PPIL6: variants seen among roughly 807,000 people sequenced by gnomAD.
The protein encoded by PPIL6 is peptidylprolyl isomerase like 6.
A neutral mutation model predicts 36.8 loss-of-function variants in PPIL6; 39 were observed. The observed-to-expected ratio is 1.06, with a 90% CI of 0.82 to 1.38. The LOEUF (loss-of-function observed/expected upper bound fraction) is 1.38, where lower values mean the gene tolerates loss of function less well. Ranked by LOEUF, PPIL6 falls within the 40% of genes most tolerant of loss-of-function variation. PPIL6 has a pLI of 0.00. For synonymous variants in PPIL6, 123 were observed against 134.1 expected (o/e 0.92, Z 0.57); for missense variants, 368 against 379.1 (o/e 0.97, Z 0.24).
At chr6:109,405,082 A>G (rs1323637713) in intron 6 of PPIL6, 2 of 392,730 alleles carry the variant, frequency 5.1e-6, no homozygotes, top group Admixed American at 3.5e-5. Context: ...ATATCTTTTC[A>G]TAACCTTTTC....
intron 1 of PPIL6, 73 bp downstream of exon 1, chr6:109,440,383 G>A (rs1774767227): frequency 6.7e-7 from 1 of 1,499,990 alleles, no homozygotes; most frequent in Non-Finnish European, 9.0e-7. Flanking sequence ...AGGAGGCGCG[G>A]CGCCTGCAGT....
intron 6 of PPIL6, 62 bp downstream of exon 6, chr6:109,419,125 C>T: frequency 1.0e-6 from 1 of 967,874 alleles, no homozygotes; most frequent in Non-Finnish European, 1.7e-6. Flanking sequence ...GTGAAACTGT[C>T]CAGTCCTGTT....
At chr6:109,395,426 T>G (rs1393322283) in intron 7 of PPIL6, among the ~76,000 whole-genome samples, 2 of 151,146 alleles carry the variant, frequency 1.3e-5, no homozygotes, top group Non-Finnish European at 3.0e-5. Context: ...AAACCCTTAA[T>G]TAGAATTAAA....
chr6:109,400,272 A>G (rs920803970), intron 6 of PPIL6, 102 bp from the exon 7 acceptor site: 6 of 843,186 alleles, frequency 7.1e-6, no homozygotes, highest in Non-Finnish European at 1.1e-5. Context: ...ACTCTCAATC[A>G]TATTTATCAA....
At position 109,401,541 on chromosome 6, in the gene PPIL6, G is replaced by A. The variant is rs187854314; in HGVS notation, c.689-1371C>T. Among the ~76,000 whole-genome samples the A allele has an allele frequency of 5.1e-4, 78 of 152,278 alleles. 1 individual carries two copies. The highest frequency in any genetic ancestry group is 1.9e-3 in the African/African-American group (78 of 41,550). ...TGGGTAGTTACTTTCAGCCTGGTAA[G>A]TTGAAAACTGAATAAAGACCCCTGA... On this transcript the variant is annotated intron_variant, in intron 6 of 7. Transcript: ENST00000521072.
chr6:109,441,070 C>CG, upstream of PPIL6: 1 of 1,598,158 alleles, frequency 6.3e-7, no homozygotes, highest in Non-Finnish European at 8.6e-7. Context: ...GTCCCCACCG[C>CG]GGCCGTCGCT....
chr6:109,392,892 A>T lies in PPIL6; in HGVS notation c.870T>A (p.Val290=). The T allele has an allele frequency of 6.2e-7, 1 of 1,612,156 alleles. No homozygotes were observed. Among genetic ancestry groups the T allele is most frequent in the Non-Finnish European group, 8.5e-7 (1 of 1,178,782 alleles). ...GTATTGGTCTTTCATTCTGTGTTGG[A>T]ACTAATTCTAGTTGTTTAAGCACTT... is the stretch of plus-strand genomic sequence containing the variant. ...GTEVLKQLEL[V]PTQNERPIHM... is the part of the protein sequence containing the mutation. The change falls in exon 8 of 8, where the codon GTT becomes GTA. Residue 290 remains valine (V), a synonymous_variant. Coordinates refer to ENST00000521072, the MANE Select transcript of PPIL6 (RefSeq NM_173672.5).
intron 6 of PPIL6, among the ~76,000 whole-genome samples, chr6:109,406,179 T>A (rs1010321734): frequency 6.6e-6 from 1 of 151,420 alleles, no homozygotes. Context: ...ACCTCCCAAG[T>A]AGCTAGGACC....
At chr6:109,399,165 T>G (rs1772422839) in intron 7 of PPIL6, among the ~76,000 whole-genome samples, 1 of 152,140 alleles carries the variant, frequency 6.6e-6, no homozygotes, top group Admixed American at 6.5e-5. Context: ...TGGAGTGCAG[T>G]GGCACGATCT....
intron 6 of PPIL6, among the ~76,000 whole-genome samples, chr6:109,404,413 C>A (rs1772697413): frequency 6.6e-6 from 1 of 152,244 alleles, no homozygotes; most frequent in South Asian, 2.1e-4. Flanking sequence ...GCAGACCCAA[C>A]TCAAAGCTTC....
chr6:109,433,283 C>T (rs910174083), intron 2 of PPIL6, among the ~76,000 whole-genome samples: 71 of 152,198 alleles, frequency 4.7e-4, no homozygotes, highest in East Asian at 1.4e-3. Flanking sequence ...TCTCAAACTC[C>T]TGACCTCAGG....
At position 109,397,980 on chromosome 6, in the gene PPIL6, C is replaced by G. The variant is rs562043729; in HGVS notation, c.824+2055G>C. On this transcript the variant is annotated intron_variant, in intron 7 of 7. Transcript: ENST00000521072. ...GATCTCGGCTCACTGCAACCTCCCCCTGCTGGGTTCAAGCAATTCTCCTGC... is the reference window on the plus strand; with the variant it reads ...GATCTCGGCTCACTGCAACCTCCCCGTGCTGGGTTCAAGCAATTCTCCTGC... Among the ~76,000 whole-genome samples the G allele has an allele frequency of 2.0e-5, 3 of 152,054 alleles. No individual in the cohort carries two copies. In the East Asian group the frequency reaches 5.8e-4, roughly 29 times the overall value.
chr6:109,436,061 T>G (rs1186617631), intron 2 of PPIL6, 43 bp downstream of exon 2: 2 of 1,034,926 alleles, frequency 1.9e-6, no homozygotes. Flanking sequence ...CAGGCAAAAC[T>G]TGGCTTGTTG....
intron 6 of PPIL6, among the ~76,000 whole-genome samples, chr6:109,408,605 T>G (rs1772891856): frequency 6.6e-6 from 1 of 152,210 alleles, no homozygotes; most frequent in Non-Finnish European, 1.5e-5. Context: ...ATCAGTTTGA[T>G]GCTGTATAAC....
chr6:109,440,573 C>T lies in PPIL6; in HGVS notation c.18G>A (p.Pro6=), dbSNP rs1020298668. The stretch of plus-strand genomic sequence containing the variant: ...CGCACCTAGCGTGCGGGGGCCCGCA[C>T]GGCTGCGGCCTTGCCATGGCCGCGC... MARPQ[P]CGPPHARCGS... Residue 6 remains proline, a synonymous_variant, in exon 1 of 8, where the codon CCG becomes CCA. Coordinates refer to ENST00000521072, the MANE Select transcript of PPIL6 (RefSeq NM_173672.5). 10 of 1,409,154 alleles carry T rather than the reference C, an allele frequency of 7.1e-6. No homozygotes were observed. In the African/African-American group the frequency reaches 1.4e-4, roughly 19 times the overall value. The allele number at this position is 1,409,154 out of a possible 1,614,324, so 87.3% of individuals were successfully genotyped here. A position where few individuals can be genotyped will look rare whatever the true frequency, so the allele number is the denominator to read the frequency against.
At chr6:109,411,792 G>A (rs959200167) in intron 6 of PPIL6, among the ~76,000 whole-genome samples, 3 of 152,236 alleles carry the variant, frequency 2.0e-5, no homozygotes, top group South Asian at 2.1e-4. Context: ...CTGTGGGCCC[G>A]TTACAACAGG....
At chr6:109,420,103 G>C (rs537481273) in intron 5 of PPIL6, among the ~76,000 whole-genome samples, 1 of 152,076 alleles carries the variant, frequency 6.6e-6, no homozygotes, top group South Asian at 2.1e-4. Context: ...GGAGGCCGAA[G>C]CAGGCAAATC....
chr6:109,403,084 CTTCTT>C, intron 6 of PPIL6: 1 of 1,530,236 alleles, frequency 6.5e-7, no homozygotes, highest in Admixed American at 2.0e-5. Context: ...CCTCTTTACA[CTTCTT>C]TTCAAGCTTC....
intron 2 of PPIL6, among the ~76,000 whole-genome samples, chr6:109,433,287 C>T (rs1774262639): frequency 6.6e-6 from 1 of 152,074 alleles, no homozygotes. Flanking sequence ...AAACTCCTGA[C>T]CTCAGGTGAT....
Sources: allele counts gnomAD v4.1 joint callset (sites outside exome capture counted in the v4.1 genomes callset), GRCh38; gene constraint gnomAD v4.1.1; transcripts MANE v1.5; gene names NCBI Gene and HGNC (gene_info 2026-07-23, HGNC 2026-07-21).